The following TMTC1 variants were observed in gnomAD, a reference collection of about 807,000 sequenced individuals.
TMTC1 encodes the protein transmembrane O-mannosyltransferase targeting cadherins 1, also known as protein O-mannosyl-transferase TMTC1.
Under a neutral mutation model 104.8 loss-of-function variants are expected in TMTC1, and 73 were observed. That is an observed-to-expected ratio of 0.70 (90% CI 0.58 to 0.85). TMTC1 has a LOEUF of 0.85. Ranked by LOEUF, TMTC1 falls within the 40% of genes least tolerant of loss-of-function variation. The probability of loss-of-function intolerance (pLI) is 0.00; values close to 1 mark genes in which losing one functional copy is unlikely to be tolerated. For missense variants in TMTC1, 1,035 were observed against 1,096.1 expected, an observed-to-expected ratio of 0.94 and a Z score of 0.79; for synonymous variants, 434 against 428.7, an observed-to-expected ratio of 1.01 and a Z score of -0.15.
intron 5 of TMTC1, chr12:29,661,307 T>C: frequency 1.6e-5 from 15 of 938,036 alleles, no homozygotes; most frequent in Non-Finnish European, 1.8e-5. Flanking sequence ...AATAAGAGTT[T>C]ATTTACCTAC....
At chr12:29,642,793 C>T (rs568389253) in intron 5 of TMTC1, among the ~76,000 whole-genome samples, 2 of 152,004 alleles carry the variant, frequency 1.3e-5, no homozygotes, top group Admixed American at 6.6e-5. Context: ...GGCGTGGTGG[C>T]GGGCGCCTGT....
intron 5 of TMTC1, among the ~76,000 whole-genome samples, chr12:29,642,452 A>G (rs1938895844): frequency 1.3e-5 from 2 of 152,198 alleles, no homozygotes; most frequent in African/African-American, 4.8e-5. Flanking sequence ...CTCCTCAAAC[A>G]AAACAATTAT....
At chr12:29,743,406 A>G (rs1298063753) in intron 5 of TMTC1, among the ~76,000 whole-genome samples, 2 of 152,210 alleles carry the variant, frequency 1.3e-5, no homozygotes, top group Non-Finnish European at 2.9e-5. Context: ...GATGAAAATC[A>G]CAATCATCAT....
At chr12:29,637,847 T>C (rs1938634195) in intron 5 of TMTC1, among the ~76,000 whole-genome samples, 1 of 152,236 alleles carries the variant, frequency 6.6e-6, no homozygotes, top group South Asian at 2.1e-4. Flanking sequence ...TATATAGTTC[T>C]TGCTTGCTTT....
chr12:29,675,617 CA>C (rs1940698044), intron 5 of TMTC1, among the ~76,000 whole-genome samples: 1 of 82,464 alleles, frequency 1.2e-5, no homozygotes, highest in Non-Finnish European at 2.3e-5. Flanking sequence ...CACACACACA[CA>C]CACACACACA....
chr12:29,695,606 C>T (rs1591938256), intron 5 of TMTC1, among the ~76,000 whole-genome samples: 2 of 152,022 alleles, frequency 1.3e-5, no homozygotes, highest in South Asian at 4.2e-4. Flanking sequence ...CGCCAGGCCA[C>T]ATCCACAGGT....
At chr12:29,561,160 A>G (rs1291877489) in intron 9 of TMTC1, among the ~76,000 whole-genome samples, 1 of 151,476 alleles carries the variant, frequency 6.6e-6, no homozygotes, top group Non-Finnish European at 1.5e-5. Flanking sequence ...ACTCCAGCCC[A>G]GGAGACAGTG....
chr12:29,628,980 T>C (rs1938150889), intron 6 of TMTC1, among the ~76,000 whole-genome samples: 1 of 152,002 alleles, frequency 6.6e-6, no homozygotes, highest in Non-Finnish European at 1.5e-5. Context: ...TCCTTTCTAT[T>C]GATAATAACT....
At chr12:29,725,013 TC>T (rs375440450) in intron 5 of TMTC1, among the ~76,000 whole-genome samples, 130 of 120,768 alleles carry the variant, frequency 1.1e-3, no homozygotes, top group East Asian at 2.5e-3. Context: ...TCTGCCAAGT[TC>T]TTTTTTTTTT....
chr12:29,676,214 T>A (rs1342950067), intron 5 of TMTC1, among the ~76,000 whole-genome samples: 1 of 152,230 alleles, frequency 6.6e-6, no homozygotes, highest in South Asian at 2.1e-4. Context: ...GTGTCAGATA[T>A]CCATTTTAAT....
At chr12:29,760,874 T>C (rs992930648) in intron 2 of TMTC1, among the ~76,000 whole-genome samples, 8 of 148,750 alleles carry the variant, frequency 5.4e-5, no homozygotes, top group East Asian at 1.9e-4. Context: ...TTATATACTA[T>C]ATGTATAATG....
At chr12:29,629,276 C>T (rs1021400052) in intron 6 of TMTC1, among the ~76,000 whole-genome samples, 5 of 151,562 alleles carry the variant, frequency 3.3e-5, no homozygotes, top group South Asian at 2.1e-4. Flanking sequence ...AGTGGAGATG[C>T]GCCAATGCAC....
At chr12:29,690,235 A>G (rs1166682778) in intron 5 of TMTC1, among the ~76,000 whole-genome samples, 1 of 152,224 alleles carries the variant, frequency 6.6e-6, no homozygotes, top group Non-Finnish European at 1.5e-5. Flanking sequence ...ACTCAGAGGA[A>G]GAAACTGCGG....
intron 7 of TMTC1, among the ~76,000 whole-genome samples, chr12:29,585,182 G>A (rs1446755109): frequency 6.6e-6 from 1 of 151,906 alleles, no homozygotes; most frequent in Non-Finnish European, 1.5e-5. Flanking sequence ...GCATTTCTCT[G>A]ATGGCCAGTG....
chr12:29,676,280 T>C, intron 5 of TMTC1, among the ~76,000 whole-genome samples: 1 of 152,364 alleles, frequency 6.6e-6, no homozygotes, highest in East Asian at 1.9e-4. Context: ...CTATTTTATG[T>C]AACTTTCTTT....
chr12:29,745,637 A>G (rs922607931), intron 5 of TMTC1, among the ~76,000 whole-genome samples: 2 of 150,658 alleles, frequency 1.3e-5, no homozygotes, highest in African/African-American at 4.9e-5. Context: ...AAAAAAAAAA[A>G]AAGAAAGAAG....
Position 29,504,317 on chromosome 12 carries a change from G to A in TMTC1, c.*2529C>T, listed in dbSNP as rs923875464. 2.0e-5 allele frequency: 3 copies of A among 150,960 alleles called. No individual in the cohort carries two copies. The highest frequency in any genetic ancestry group is 7.3e-5 in the African/African-American group (3 of 41,008). The allele number at this position is 150,960 out of a possible 1,614,324, so 9.4% of individuals were successfully genotyped here. On this transcript the variant is annotated 3_prime_UTR_variant, in exon 18 of 18. Transcript: ENST00000539277. ...CACTCCATTTTTATTATAAAGGTAA[G>A]TTCCATGTATTATTTCATGTTACAA...
chr12:29,636,140 C>T (rs1938536992), intron 5 of TMTC1, among the ~76,000 whole-genome samples: 1 of 152,036 alleles, frequency 6.6e-6, no homozygotes, highest in African/African-American at 2.4e-5. Context: ...CTGGGATTTG[C>T]TTTAAAATAA....
At chr12:29,678,203 C>T (rs1940795870) in intron 5 of TMTC1, among the ~76,000 whole-genome samples, 1 of 152,168 alleles carries the variant, frequency 6.6e-6, no homozygotes, top group African/African-American at 2.4e-5. Context: ...TTCAAACTCA[C>T]AATTTTCTGA....
Sources: allele counts gnomAD v4.1 joint callset (sites outside exome capture counted in the v4.1 genomes callset), GRCh38; gene constraint gnomAD v4.1.1; transcripts MANE v1.5; gene names NCBI Gene and HGNC (gene_info 2026-07-23, HGNC 2026-07-21).